Variants in BHMT observed in about 807,000 individuals in gnomAD.
BHMT encodes the protein betaine--homocysteine S-methyltransferase.
BHMT carries 38 observed loss-of-function variants against 49.5 expected under a neutral mutation model. The observed-to-expected ratio is 0.77, with a 90% CI of 0.59 to 1.01. The LOEUF is 1.01. BHMT is among the 50% of genes least tolerant of loss of function. The pLI is 0.00. For synonymous variants in BHMT, 166 were observed against 176.3 expected (o/e 0.94, Z 0.46); for missense variants, 426 against 495.7 (o/e 0.86, Z 1.34).
chr5:79,113,698 T>G (rs1174643954), intron 1 of BHMT, among the ~76,000 whole-genome samples: 1 of 152,206 alleles, frequency 6.6e-6, no homozygotes, highest in Admixed American at 6.5e-5. Context: ...TTTGTAATAC[T>G]TTTTCACAAA....
rs1756636967 is a variant in BHMT, at chr5:79,131,178, G to A, written c.*62G>A. ...TTTGGGTCACAGTTCCTACAAATAC[G>A]GAAAAGGGGGTTAAAAAGCAGTGCT... is the stretch of plus-strand genomic sequence containing the variant. On this transcript the variant is annotated 3_prime_UTR_variant, in exon 8 of 8. Transcript: ENST00000274353. 2.4e-5 allele frequency: 36 copies of A among 1,489,054 alleles called. No homozygotes were observed. The South Asian group carries it at 4.4e-4, about 18-fold the overall frequency. 92.2% of individuals were successfully genotyped at this position (1,489,054 alleles called of 1,614,324 possible).
chr5:79,130,407 G>A (rs1756618283), intron 7 of BHMT, among the ~76,000 whole-genome samples: 2 of 152,114 alleles, frequency 1.3e-5, no homozygotes, highest in Admixed American at 1.3e-4. Flanking sequence ...ACTGTAAAAA[G>A]CCTTCCAGCA....
At position 79,120,502 on chromosome 5, in the gene BHMT, G is replaced by A. The variant is rs58614276; in HGVS notation, c.438G>A (p.Glu146=). 1.6e-4 allele frequency: 254 copies of A among 1,613,464 alleles called. No individual in the cohort carries two copies. In the African/African-American group the frequency reaches 3.0e-3, roughly 19 times the overall value. ...EVKKVFLQQL[E]VFMKKNVDFL... ...AAAAAGTATTTCTGCAACAGTTAGAGGTCTTTATGAAGAAGAACGTGGACT... is the reference window on the plus strand; with the variant it reads ...AAAAAGTATTTCTGCAACAGTTAGAAGTCTTTATGAAGAAGAACGTGGACT... Residue 146 remains glutamate, a synonymous_variant, in exon 4 of 8, where the codon GAG becomes GAA. Coordinates refer to ENST00000274353, the MANE Select transcript of BHMT (RefSeq NM_001713.3).
intron 2 of BHMT, among the ~76,000 whole-genome samples, chr5:79,117,270 C>T (rs1756399815): frequency 6.6e-6 from 1 of 152,052 alleles, no homozygotes. Context: ...TCTGGAACTC[C>T]ACCCAAGGAC....
chr5:79,111,829 G>T lies in BHMT; in HGVS notation c.-57G>T. The T allele has an allele frequency of 6.2e-7, 1 of 1,606,726 alleles. No homozygotes were observed. Among genetic ancestry groups the T allele is most frequent in the Non-Finnish European group, 8.5e-7 (1 of 1,176,738 alleles). On this transcript the variant is annotated 5_prime_UTR_variant, in exon 1 of 8. Transcript: ENST00000274353. Reference sequence around the variant, plus strand: ...GGAGCAGCTCGGGGCTGCGCAGCGGGAAGGCTCGCCTAGTCGGTCCGCATC... The same window carrying T: ...GGAGCAGCTCGGGGCTGCGCAGCGGTAAGGCTCGCCTAGTCGGTCCGCATC...
intron 2 of BHMT, among the ~76,000 whole-genome samples, chr5:79,117,263 G>A (rs923262701): frequency 6.6e-6 from 1 of 151,964 alleles, no homozygotes; most frequent in East Asian, 1.9e-4. Context: ...TGAAACCTCT[G>A]GAACTCCACC....
chr5:79,121,442 G>C, intron 5 of BHMT, 77 bp downstream of exon 5: 1 of 1,527,308 alleles, frequency 6.5e-7, no homozygotes, highest in South Asian at 1.2e-5. Context: ...CTACAAATCA[G>C]TGTATACTAC....
chr5:79,119,227 G>A lies in BHMT; in HGVS notation c.167-32G>A, dbSNP rs769031815. On this transcript the variant is annotated intron_variant, in intron 2 of 7. Transcript: ENST00000274353. Reference sequence around the variant, plus strand: ...TGAAAATATCGTGTGTTAATAAACAGAAATTATACCTTTCCTCATTCACTC... The same window carrying A: ...TGAAAATATCGTGTGTTAATAAACAAAAATTATACCTTTCCTCATTCACTC... 10 of 1,513,640 alleles carry A rather than the reference G, an allele frequency of 6.6e-6. No individual in the cohort carries two copies. The South Asian group carries it at 1.1e-4, about 16-fold the overall frequency. The allele number at this position is 1,513,640 out of a possible 1,614,324, so 93.8% of individuals were successfully genotyped here.
intron 5 of BHMT, among the ~76,000 whole-genome samples, chr5:79,122,885 A>T (rs1163135969): frequency 6.6e-6 from 1 of 152,188 alleles, no homozygotes; most frequent in East Asian, 1.9e-4. Context: ...AGACCTGGAT[A>T]TAGATGGTAT....
chr5:79,129,584 A>G (rs1030901395), intron 7 of BHMT, among the ~76,000 whole-genome samples: 1 of 152,212 alleles, frequency 6.6e-6, no homozygotes, highest in Non-Finnish European at 1.5e-5. Context: ...CAGGTAGCCC[A>G]GGGCAAGGTT....
At chr5:79,115,649 C>T (rs1756376735) in intron 1 of BHMT, 118 bp from the exon 2 acceptor site, 3 of 1,168,814 alleles carry the variant, frequency 2.6e-6, no homozygotes. Context: ...ATACATTTTT[C>T]TCTGAAAATT....
intron 1 of BHMT, among the ~76,000 whole-genome samples, chr5:79,115,551 CA>C (rs1561252092): frequency 6.6e-6 from 1 of 152,110 alleles, no homozygotes; most frequent in Non-Finnish European, 1.5e-5. Flanking sequence ...CCCCCACCCA[CA>C]GCACATACAA....
chr5:79,121,082 C>A, intron 4 of BHMT, 136 bp from the exon 5 acceptor site: 2 of 1,047,854 alleles, frequency 1.9e-6, no homozygotes, highest in Non-Finnish European at 2.7e-6. Context: ...AACTGGGAGG[C>A]AAATGTTGCA....
In BHMT at chr5:79,121,251, G is replaced by C. The variant is rs199901954; in HGVS notation, c.511G>C (p.Val171Leu). 4 of 1,614,166 alleles carry C rather than the reference G, an allele frequency of 2.5e-6. No homozygotes were observed. In the Admixed American group the frequency reaches 5.0e-5, roughly 20 times the overall value. Residue 171 changes from valine (V) to leucine (L), a missense_variant, in exon 5 of 8, where the codon GTT (valine) becomes CTT (leucine). Coordinates refer to ENST00000274353, the MANE Select transcript of BHMT (RefSeq NM_001713.3). ...ACACGTTGAAGAAGCTGTGTGGGCA[G>C]TTGAAACCTTGATAGCATCCGGTAA... ...FEHVEEAVWA[V>L]ETLIASGKPV...
chr5:79,126,239 C>T lies in BHMT; in HGVS notation c.808+11C>T. 6.2e-7 allele frequency: 1 copy of T among 1,612,266 alleles called. No individual in the cohort carries two copies. Among genetic ancestry groups the T allele is most frequent in the Non-Finnish European group, 8.5e-7 (1 of 1,178,604 alleles). On this transcript the variant is annotated intron_variant, in intron 6 of 7. Transcript: ENST00000274353. Reference sequence around the variant, plus strand: ...CAGAATTCCCATTTGGTAAGACCAACATTTGATGAATCATCTCAATATCTT... The same window carrying T: ...CAGAATTCCCATTTGGTAAGACCAATATTTGATGAATCATCTCAATATCTT...
At chr5:79,129,410 G>A (rs1385691870) in intron 7 of BHMT, among the ~76,000 whole-genome samples, 1 of 152,234 alleles carries the variant, frequency 6.6e-6, no homozygotes, top group African/African-American at 2.4e-5. Context: ...GGAAAGCACT[G>A]AGAAGTGGAA....
chr5:79,123,697 G>A (rs1022093184), intron 5 of BHMT, among the ~76,000 whole-genome samples: 4 of 152,114 alleles, frequency 2.6e-5, no homozygotes, highest in African/African-American at 9.7e-5. Context: ...GATTACAGAT[G>A]TGTACTACCA....
intron 1 of BHMT, among the ~76,000 whole-genome samples, chr5:79,112,256 C>T (rs1580266506): frequency 6.6e-6 from 1 of 152,354 alleles, no homozygotes; most frequent in Middle Eastern, 3.4e-3. Flanking sequence ...CCCTCCCTGA[C>T]GGCTGGGTGT....
chr5:79,124,303 C>A (rs969399176), intron 5 of BHMT, among the ~76,000 whole-genome samples: 13 of 152,092 alleles, frequency 8.5e-5, no homozygotes, highest in African/African-American at 3.1e-4. Flanking sequence ...AATCCCAGCA[C>A]TTTGGGAGGC....
Sources: gnomAD v4.1 joint callset for allele counts (sites outside exome capture counted in the v4.1 genomes callset) on GRCh38, gnomAD v4.1.1 for gene constraint, MANE v1.5 for transcripts, NCBI Gene and HGNC (gene_info 2026-07-23, HGNC 2026-07-21) for gene names.